The following IREB2 variants were observed in gnomAD, a reference collection of about 807,000 sequenced individuals.
The protein encoded by IREB2 is iron-responsive element-binding protein 2.
Under a neutral mutation model 118.8 loss-of-function variants are expected in IREB2, and 39 were observed. The observed-to-expected ratio is 0.33, with a 90% CI of 0.25 to 0.43. The LOEUF is 0.43. Among genes scored for constraint, IREB2 ranks in the 20% least tolerant of loss-of-function variants. The probability of loss-of-function intolerance (pLI) is 1.00; values close to 1 mark genes in which losing one functional copy is unlikely to be tolerated. For synonymous variants in IREB2, 372 were observed against 392.2 expected (o/e 0.95, Z 0.61); for missense variants, 900 against 1,147.3 (o/e 0.78, Z 3.11).
rs1190385463 is a variant in IREB2, at chr15:78,488,551, A to G, written c.1952-96A>G. 4.0e-6 allele frequency: 5 copies of G among 1,258,030 alleles called. No individual in the cohort carries two copies. The Admixed American group carries it at 1.3e-4, about 33-fold the overall frequency. The allele number at this position is 1,258,030 out of a possible 1,614,324, so 77.9% of individuals were successfully genotyped here. A position where few individuals can be genotyped will look rare whatever the true frequency, so the allele number is the denominator to read the frequency against. ...GCTTAAGCCTGAAGCACCCTGTTGA[A>G]TCATTTACTTGATTTCCATGATATG... On this transcript the variant is annotated intron_variant, in intron 15 of 21. Coordinates refer to ENST00000258886, the MANE Select transcript of IREB2 (RefSeq NM_004136.4).
chr15:78,457,063 A>G (rs536085706), intron 2 of IREB2, among the ~76,000 whole-genome samples: 1 of 152,344 alleles, frequency 6.6e-6, no homozygotes, highest in African/African-American at 2.4e-5. Flanking sequence ...CCTTGTAGTA[A>G]TGATGATTGT....
intron 16 of IREB2, 44 bp downstream of exon 16, chr15:78,488,815 G>C: frequency 8.4e-7 from 1 of 1,194,014 alleles, no homozygotes; most frequent in South Asian, 1.5e-5. Flanking sequence ...TCAATTTGCA[G>C]TGTTCTTTTA....
intron 1 of IREB2, among the ~76,000 whole-genome samples, chr15:78,439,512 T>G (rs942427016): frequency 1.3e-5 from 2 of 152,198 alleles, no homozygotes; most frequent in Non-Finnish European, 2.9e-5. Flanking sequence ...CTTGACAAAT[T>G]ATGGTTTAGA....
intron 18 of IREB2, among the ~76,000 whole-genome samples, chr15:78,491,096 C>T (rs1035747924): frequency 2.0e-5 from 3 of 152,048 alleles, no homozygotes; most frequent in Non-Finnish European, 4.4e-5. Context: ...CAAATGAAGC[C>T]TGCTCATTTG....
intron 2 of IREB2, among the ~76,000 whole-genome samples, chr15:78,446,756 C>T (rs1034568261): frequency 3.3e-5 from 5 of 151,982 alleles, no homozygotes; most frequent in Admixed American, 2.6e-4. Context: ...CATCAGCCTA[C>T]CAGGGGATTG....
At position 78,488,315 on chromosome 15, in the gene IREB2, G is replaced by T; in HGVS notation, c.1930G>T (p.Asp644Tyr). The T allele has an allele frequency of 6.2e-7, 1 of 1,600,578 alleles. No individual in the cohort carries two copies. The change falls in exon 15 of 22, where the codon GAT (aspartate) becomes TAT (tyrosine). Residue 644 changes from aspartate to tyrosine, a missense_variant. By Grantham distance (160) the Asp-to-Tyr change is radical. Transcript: ENST00000258886. ...TGCCATAGCAGGCACAGTGAATATAGATTTCCAGACAGAACCTTTAGGTAT... is the reference window on the plus strand; with the variant it reads ...TGCCATAGCAGGCACAGTGAATATATATTTCCAGACAGAACCTTTAGGTAT... ...AYAIAGTVNI[D>Y]FQTEPLGTDP...
chr15:78,478,337 T>G lies in IREB2; in HGVS notation c.1236T>G (p.Leu412=), dbSNP rs753150486. 6.2e-6 allele frequency: 10 copies of G among 1,613,652 alleles called. No homozygotes were observed. Among genetic ancestry groups the G allele is most frequent in the Admixed American group, 1.7e-5 (1 of 59,992 alleles). ...KAKLESMETY[L]KAVKLFRNDQ... is the part of the protein sequence containing the mutation. ...AACTCGAATCAATGGAAACATACCT[T>G]AAAGCTGTGAAATTGTTTCGAAATG... The change falls in exon 10 of 22, where the codon CTT becomes CTG. Residue 412 remains leucine, a synonymous_variant. Transcript: ENST00000258886.
chr15:78,482,842 G>A (rs979653814), intron 10 of IREB2, among the ~76,000 whole-genome samples: 2 of 151,994 alleles, frequency 1.3e-5, no homozygotes, highest in Non-Finnish European at 2.9e-5. Context: ...CCGCCTCCTG[G>A]GTTCACGCCA....
At chr15:78,449,251 G>A (rs79207475) in intron 2 of IREB2, among the ~76,000 whole-genome samples, 36 of 152,134 alleles carry the variant, frequency 2.4e-4, no homozygotes, top group Non-Finnish European at 4.6e-4. Flanking sequence ...TGTATTTACC[G>A]TATCCAGTTC....
chr15:78,449,782 T>C lies in IREB2; in HGVS notation c.106+9901T>C, dbSNP rs571626068. On this transcript the variant is annotated intron_variant, in intron 2 of 21. Transcript: ENST00000258886. Reference sequence around the variant, plus strand: ...TGCCTTTCATCGGATGCTTCCCGTATACAAATAGCAGACCTCAGCATTTTT... The same window carrying C: ...TGCCTTTCATCGGATGCTTCCCGTACACAAATAGCAGACCTCAGCATTTTT... 4.6e-5 allele frequency among the ~76,000 whole-genome samples: 7 copies of C among 152,290 alleles called. No individual in the cohort carries two copies. The East Asian group carries it at 1.2e-3, about 25-fold the overall frequency.
chr15:78,482,099 G>A (rs925798269), intron 10 of IREB2, among the ~76,000 whole-genome samples: 7 of 151,902 alleles, frequency 4.6e-5, no homozygotes, highest in South Asian at 2.1e-4. Context: ...GCGTGGTGGC[G>A]CATGCCTGTA....
intron 7 of IREB2, among the ~76,000 whole-genome samples, chr15:78,472,234 C>T (rs1208902309): frequency 1.3e-5 from 2 of 152,146 alleles, no homozygotes; most frequent in Non-Finnish European, 2.9e-5. Flanking sequence ...GTGGCTTCTC[C>T]TGGTCTTCTT....
chr15:78,445,421 G>A (rs2050913536), intron 2 of IREB2, among the ~76,000 whole-genome samples: 1 of 152,170 alleles, frequency 6.6e-6, no homozygotes. Context: ...TTACAGGCAT[G>A]AACCACTGCA....
chr15:78,479,912 C>T (rs1346067169), intron 10 of IREB2: 1 of 121,696 alleles, frequency 8.2e-6, no homozygotes, highest in Non-Finnish European at 1.6e-5. Flanking sequence ...CAGAATGAGA[C>T]AGTGTCTAAA....
At chr15:78,453,048 G>A (rs1440185610) in intron 2 of IREB2, among the ~76,000 whole-genome samples, 1 of 152,194 alleles carries the variant, frequency 6.6e-6, no homozygotes, top group Non-Finnish European at 1.5e-5. Context: ...TTTTATAATG[G>A]GTAGTAAGCA....
chr15:78,456,003 A>G (rs747866688), intron 2 of IREB2, among the ~76,000 whole-genome samples: 1 of 152,184 alleles, frequency 6.6e-6, no homozygotes, highest in Non-Finnish European at 1.5e-5. Flanking sequence ...ATAGTCTCAT[A>G]ATAGGCTGCT....
chr15:78,482,754 T>TG (rs2051595843), intron 10 of IREB2, among the ~76,000 whole-genome samples: 1 of 151,858 alleles, frequency 6.6e-6, no homozygotes, highest in South Asian at 2.1e-4. Flanking sequence ...AAACCAGGTT[T>TG]TTTTTTTTTT....
intron 20 of IREB2, among the ~76,000 whole-genome samples, chr15:78,496,394 G>A (rs965711469): frequency 6.6e-5 from 10 of 152,048 alleles, no homozygotes; most frequent in African/African-American, 2.4e-4. Flanking sequence ...AGCCTCCATA[G>A]TAGCTGAGAT....
chr15:78,454,545 A>G (rs2051075054), intron 2 of IREB2, among the ~76,000 whole-genome samples: 1 of 152,138 alleles, frequency 6.6e-6, no homozygotes, highest in African/African-American at 2.4e-5. Context: ...GGCATGAGAG[A>G]TCTGTTGGGA....
Sources: gnomAD v4.1 joint callset for allele counts (sites outside exome capture counted in the v4.1 genomes callset) on GRCh38, gnomAD v4.1.1 for gene constraint, MANE v1.5 for transcripts, NCBI Gene and HGNC (gene_info 2026-07-23, HGNC 2026-07-21) for gene names.